Variants in DRG1 observed in about 807,000 individuals in gnomAD.
DRG1 encodes the protein developmentally regulated GTP binding protein 1.
In DRG1, 19 loss-of-function variants were observed where a neutral mutation model predicts 38.8. That is an observed-to-expected ratio of 0.49 (90% CI 0.34 to 0.72). DRG1 has a LOEUF of 0.72. Ranked by LOEUF, DRG1 falls within the 30% of genes least tolerant of loss-of-function variation. The pLI is 0.01. For missense variants in DRG1, 299 were observed against 444.8 expected, an observed-to-expected ratio of 0.67 and a Z score of 2.95; for synonymous variants, 167 against 157.5, an observed-to-expected ratio of 1.06 and a Z score of -0.45.
chr22:31,419,634 T>A (rs758719990), intron 4 of DRG1, among the ~76,000 whole-genome samples: 1 of 152,202 alleles, frequency 6.6e-6, no homozygotes, highest in Non-Finnish European at 1.5e-5. Context: ...GATGGAAATA[T>A]TCCATGTCTT....
At chr22:31,415,250 A>G (rs774394442) in intron 4 of DRG1, among the ~76,000 whole-genome samples, 2 of 152,184 alleles carry the variant, frequency 1.3e-5, no homozygotes, top group African/African-American at 4.8e-5. Flanking sequence ...TAGTTCCTCA[A>G]TTATGTAAAC....
intron 4 of DRG1, among the ~76,000 whole-genome samples, chr22:31,411,426 T>A (rs989203370): frequency 6.6e-6 from 1 of 152,182 alleles, no homozygotes; most frequent in Admixed American, 6.6e-5. Context: ...GATCTTCTGT[T>A]TCCTAGAGGC....
intron 2 of DRG1, 78 bp downstream of exon 2, chr22:31,400,821 A>G (rs978190480): frequency 6.6e-7 from 1 of 1,505,210 alleles, no homozygotes; most frequent in South Asian, 1.2e-5. Context: ...TTTAAAAATA[A>G]CTAAAGATGG....
chr22:31,420,439 A>G lies in DRG1; in HGVS notation c.582+14A>G. On this transcript the variant is annotated intron_variant, in intron 5 of 8. Coordinates refer to ENST00000331457, the MANE Select transcript of DRG1 (RefSeq NM_004147.4). ...CTCACAGCCACTGTAAGTGGGGAAT[A>G]TGACATGGGGCAGGCTGCTGCAGGA... is the stretch of plus-strand genomic sequence containing the variant. 1.9e-6 allele frequency: 3 copies of G among 1,614,100 alleles called. No homozygotes were observed. Among genetic ancestry groups the G allele is most frequent in the Non-Finnish European group, 2.5e-6 (3 of 1,179,964 alleles).
intron 4 of DRG1, among the ~76,000 whole-genome samples, chr22:31,418,457 C>G (rs1030976041): frequency 6.6e-6 from 1 of 151,782 alleles, no homozygotes; most frequent in African/African-American, 2.4e-5. Context: ...GACCCTGTCT[C>G]TTCAAAAAAG....
chr22:31,434,346 A>T lies in DRG1; in HGVS notation c.*375A>T. ...TCTTACTTGATGTTTACTTATGGGA[A>T]CCCCTTCCAAACTAGATATGGCTTT... is the stretch of plus-strand genomic sequence containing the variant. On this transcript the variant is annotated 3_prime_UTR_variant, in exon 9 of 9. Coordinates refer to ENST00000331457, the MANE Select transcript of DRG1 (RefSeq NM_004147.4). 5.0e-6 allele frequency: 1 copy of T among 200,468 alleles called. No individual in the cohort carries two copies. The highest frequency in any genetic ancestry group is 1.0e-5 in the Non-Finnish European group (1 of 98,474). 12.4% of individuals were successfully genotyped at this position (200,468 alleles called of 1,614,324 possible).
chr22:31,427,817 T>TA (rs2050119355), intron 8 of DRG1, among the ~76,000 whole-genome samples: 1 of 152,098 alleles, frequency 6.6e-6, no homozygotes, highest in Non-Finnish European at 1.5e-5. Flanking sequence ...CACTGCAACT[T>TA]ATGCTTCCCG....
Position 31,428,502 on chromosome 22 carries a change from T to C in DRG1, c.1004+1320T>C, listed in dbSNP as rs772906321. On this transcript the variant is annotated intron_variant, in intron 8 of 8. Coordinates refer to ENST00000331457, the MANE Select transcript of DRG1 (RefSeq NM_004147.4). ...TGCCGGGATTACAGGCGTGAGCCAC[T>C]GCGCCCAGCCCAAAGTTTCCTTTTA... Among the ~76,000 whole-genome samples, 7 of 152,352 alleles carry C rather than the reference T, an allele frequency of 4.6e-5. 1 individual carries two copies. Among genetic ancestry groups the C allele is most frequent in the South Asian group, 2.1e-4 (1 of 4,832 alleles).
chr22:31,430,623 T>C (rs942715439), intron 8 of DRG1, among the ~76,000 whole-genome samples: 13 of 152,070 alleles, frequency 8.5e-5, no homozygotes, highest in African/African-American at 2.9e-4. Flanking sequence ...ATGGTCTTGA[T>C]CTCCTGACCT....
intron 2 of DRG1, 148 bp downstream of exon 2, chr22:31,400,891 T>A (rs964527185): frequency 3.6e-5 from 33 of 925,848 alleles, no homozygotes; most frequent in Non-Finnish European, 4.9e-5. Context: ...GATAGGAGGA[T>A]CACTTGAGGC....
At chr22:31,408,258 C>A in intron 3 of DRG1, among the ~76,000 whole-genome samples, 1 of 139,284 alleles carries the variant, frequency 7.2e-6, no homozygotes, top group Non-Finnish European at 1.6e-5. Context: ...CCTGCCTCAG[C>A]CTCCTGAGGG....
Position 31,434,029 on chromosome 22 carries a change from C to T in DRG1, c.*58C>T, listed in dbSNP as rs1025631134. Reference sequence around the variant, plus strand: ...CACAACAGCGTTCCCCATGATCAAGCACCCTACCCCAGTTCTTTCTGGTTT... The same window carrying T: ...CACAACAGCGTTCCCCATGATCAAGTACCCTACCCCAGTTCTTTCTGGTTT... On this transcript the variant is annotated 3_prime_UTR_variant, in exon 9 of 9. Coordinates refer to ENST00000331457, the MANE Select transcript of DRG1 (RefSeq NM_004147.4). 2.0e-6 allele frequency: 3 copies of T among 1,504,288 alleles called. No individual in the cohort carries two copies. Among genetic ancestry groups the T allele is most frequent in the Admixed American group, 3.6e-5 (2 of 56,290 alleles). 93.2% of individuals were successfully genotyped at this position (1,504,288 alleles called of 1,614,324 possible).
In DRG1 at chr22:31,434,306, A is replaced by G. The variant is rs751689054; in HGVS notation, c.*335A>G. ...CATCTTGAGTGTGAAATGGATAAAA[A>G]TATGACATGCTGCATCTTACTTGAT... On this transcript the variant is annotated 3_prime_UTR_variant, in exon 9 of 9. Coordinates refer to ENST00000331457, the MANE Select transcript of DRG1 (RefSeq NM_004147.4). 1 of 242,882 alleles carries G rather than the reference A, an allele frequency of 4.1e-6. No homozygotes were observed. The highest frequency in any genetic ancestry group is 8.1e-6 in the Non-Finnish European group (1 of 123,950). The allele number at this position is 242,882 out of a possible 1,614,324, so 15.0% of individuals were successfully genotyped here.
At chr22:31,422,650 G>A (rs986319650) in intron 5 of DRG1, among the ~76,000 whole-genome samples, 3 of 152,150 alleles carry the variant, frequency 2.0e-5, no homozygotes, top group Non-Finnish European at 4.4e-5. Flanking sequence ...GACTGGCATA[G>A]GTTTCAGCTG....
At position 31,427,116 on chromosome 22, in the gene DRG1, A is replaced by G; in HGVS notation, c.938A>G (p.Tyr313Cys). ...TACACATCCCCAGTGGTGCTTCCTTACTCCAGGACCACAGTGGAGGATTTC... is the reference window on the plus strand; with the variant it reads ...TACACATCCCCAGTGGTGCTTCCTTGCTCCAGGACCACAGTGGAGGATTTC... ...PDYTSPVVLP[Y>C]SRTTVEDFCM... Residue 313 changes from tyrosine to cysteine, a missense_variant, in exon 8 of 9, where the codon TAC becomes TGC. Physicochemically the swap from Tyr to Cys is radical, Grantham distance 194. Around this residue, in one of 3 missense-constraint regions of DRG1, gnomAD observed 198 missense variants for 268.1 expected, o/e 0.74. Transcript: ENST00000331457. 2 of 1,614,106 alleles carry G rather than the reference A, an allele frequency of 1.2e-6. No individual in the cohort carries two copies. Among genetic ancestry groups the G allele is most frequent in the Non-Finnish European group, 1.7e-6 (2 of 1,179,998 alleles).
At chr22:31,401,774 C>G (rs2049962310) in intron 2 of DRG1, among the ~76,000 whole-genome samples, 1 of 151,778 alleles carries the variant, frequency 6.6e-6, no homozygotes, top group Non-Finnish European at 1.5e-5. Flanking sequence ...CAAAGTAGGG[C>G]CAGGCGCGGT....
chr22:31,419,054 ATCT>A (rs1337364198), intron 4 of DRG1, among the ~76,000 whole-genome samples: 2 of 152,096 alleles, frequency 1.3e-5, no homozygotes, highest in East Asian at 1.9e-4. Context: ...ACCTCAGGTG[ATCT>A]TCTCGCTTCA....
At chr22:31,411,145 C>A in intron 4 of DRG1, 64 bp downstream of exon 4, 1 of 1,555,846 alleles carries the variant, frequency 6.4e-7, no homozygotes, top group South Asian at 1.1e-5. Context: ...TTCTTTTAGT[C>A]AGGGACTACT....
In DRG1 at chr22:31,423,523, C is replaced by CTT. The variant is rs1229925627; in HGVS notation, c.713+133_713+134dup. 2.8e-3 allele frequency: 1,350 copies of CTT among 477,410 alleles called. 1 individual carries two copies. The highest frequency in any genetic ancestry group is 4.1e-3 in the South Asian group (162 of 39,760). The allele number at this position is 477,410 out of a possible 1,614,324, so 29.6% of individuals were successfully genotyped here. On this transcript the variant is annotated intron_variant, in intron 6 of 8. Coordinates refer to ENST00000331457, the MANE Select transcript of DRG1 (RefSeq NM_004147.4). ...ATCTTAATTCCAGTTGTCCTACTGT[C>CTT]TTTTTTTTTTTTTTTTTTTTTGAGA...
Sources: allele counts gnomAD v4.1 joint callset (sites outside exome capture counted in the v4.1 genomes callset), GRCh38; gene constraint gnomAD v4.1.1; regional missense constraint gnomAD v4.1.1; transcripts MANE v1.5; gene names NCBI Gene and HGNC (gene_info 2026-07-23, HGNC 2026-07-21).